Variants in ZNF16 observed in about 807,000 individuals in gnomAD.
ZNF16 encodes the protein zinc finger protein KOX9.
A neutral mutation model predicts 9.0 loss-of-function variants in ZNF16; 7 were observed. The observed-to-expected ratio is 0.78, with a 90% CI of 0.44 to 1.47. The LOEUF (loss-of-function observed/expected upper bound fraction) is 1.47. ZNF16 is among the 40% of genes most tolerant of loss of function. ZNF16 has a pLI of 0.01. For missense variants in ZNF16, 830 were observed against 854.2 expected (o/e 0.97, Z 0.35); for synonymous variants, 312 against 301.5 (o/e 1.03, Z -0.36).
intron 1 of ZNF16, among the ~76,000 whole-genome samples, chr8:144,950,023 A>C (rs1480094267): frequency 1.3e-5 from 2 of 152,228 alleles, no homozygotes; most frequent in Non-Finnish European, 2.9e-5. Flanking sequence ...GAGACAGGAG[A>C]AAAACTGCCC....
chr8:144,930,449 T>C lies in ZNF16; in HGVS notation c.*289A>G, dbSNP rs1224404500. On this transcript the variant is annotated 3_prime_UTR_variant, in exon 3 of 3. Transcript: ENST00000394909. The stretch of plus-strand genomic sequence containing the variant: ...TCATTATAATAATAAACTCTATTCA[T>C]GAATATGCAGCCTCCATAATCTTCT... 11 of 357,724 alleles carry C rather than the reference T, an allele frequency of 3.1e-5. No individual in the cohort carries two copies. Among genetic ancestry groups the C allele is most frequent in the Admixed American group, 1.2e-4 (3 of 24,250 alleles). The allele number at this position is 357,724 out of a possible 1,614,324, so 22.2% of individuals were successfully genotyped here.
At chr8:144,943,582 C>T (rs1271124800) in intron 2 of ZNF16, among the ~76,000 whole-genome samples, 2 of 151,838 alleles carry the variant, frequency 1.3e-5, no homozygotes, top group African/African-American at 2.4e-5. Context: ...TACAGTGGCA[C>T]GATTTCGGCT....
chr8:144,931,548 G>C lies in ZNF16; in HGVS notation c.1239C>G (p.Pro413=). The change falls in exon 3 of 3, where the codon CCC becomes CCG. Residue 413 remains proline, a synonymous_variant. Transcript: ENST00000394909. ...KPYECNDCGK[P]FSRVSNLIKH... ...TAATGAGGTTGGAGACCCGACTGAA[G>C]GGCTTGCCACAATCATTACACTCAT... The C allele has an allele frequency of 1.9e-6, 3 of 1,614,026 alleles. No individual in the cohort carries two copies. The highest frequency in any genetic ancestry group is 2.5e-6 in the Non-Finnish European group (3 of 1,180,012).
Position 144,932,077 on chromosome 8 carries a change from A to C in ZNF16, c.710T>G (p.Phe237Cys). ...GGTTTTCCCACAATCATCACACATA[A>C]AGGAAGCCTCCCCAGTGTGGACTAT... ...RQIVHTGEAS[F>C]MCDDCGKTFS... Residue 237 changes from phenylalanine (F) to cysteine (C), a missense_variant, in exon 3 of 3, where the codon TTT (phenylalanine) becomes TGT (cysteine). Coordinates refer to ENST00000394909, the MANE Select transcript of ZNF16 (RefSeq NM_006958.3). This position sits in a 1 kb window ranked among gnomAD's most constrained non-coding sequence, Gnocchi z 5.0. 3 of 1,613,930 alleles carry C rather than the reference A, an allele frequency of 1.9e-6. No individual in the cohort carries two copies. Among genetic ancestry groups the C allele is most frequent in the Non-Finnish European group, 2.5e-6 (3 of 1,179,964 alleles).
rs374418873 is a variant in ZNF16 at position 144,931,404 on chromosome 8, G to A, written c.1383C>T (p.His461=). 34 of 1,613,978 alleles carry A rather than the reference G, an allele frequency of 2.1e-5. No individual in the cohort carries two copies. The African/African-American group carries it at 2.4e-4, about 11-fold the overall frequency. ...HRRIHTGEKP[H]VCNVCGKAFS... is the part of the protein sequence containing the mutation. ...AGGCTTTTCCACATACATTACACAC[G>A]TGAGGCTTTTCTCCAGTGTGAATTC... is the stretch of plus-strand genomic sequence containing the variant. The change falls in exon 3 of 3, where the codon CAC becomes CAT. Residue 461 remains histidine (H), a synonymous_variant. Transcript: ENST00000394909.
rs201590406 is a variant in ZNF16, at chr8:144,930,712, G to A, written c.*26C>T. On this transcript the variant is annotated 3_prime_UTR_variant, in exon 3 of 3. Transcript: ENST00000394909. ...AGGAGTTGGAGAGGAAACTATGCTCGGTTTCACTCCTGCCAGCCCAACAGC... is the reference window on the plus strand; with the variant it reads ...AGGAGTTGGAGAGGAAACTATGCTCAGTTTCACTCCTGCCAGCCCAACAGC... 3,383 of 1,515,386 alleles carry A rather than the reference G, an allele frequency of 2.2e-3. 109 individuals are homozygous for A. In the South Asian group the frequency reaches 0.042, roughly 19 times the overall value. 93.9% of individuals were successfully genotyped at this position (1,515,386 alleles called of 1,614,324 possible).
intron 2 of ZNF16, among the ~76,000 whole-genome samples, chr8:144,941,932 C>T (rs1256190977): frequency 6.7e-6 from 1 of 149,746 alleles, no homozygotes; most frequent in Non-Finnish European, 1.5e-5. Context: ...GCTGGGATTA[C>T]AGGCGTGAGC....
chr8:144,941,151 C>T (rs923406238), intron 2 of ZNF16, among the ~76,000 whole-genome samples: 3 of 152,142 alleles, frequency 2.0e-5, no homozygotes, highest in African/African-American at 7.2e-5. Context: ...ATGTTCTATC[C>T]ATTTTTCAAA....
intron 2 of ZNF16, among the ~76,000 whole-genome samples, chr8:144,934,706 TGGA>T (rs1252917757): frequency 1.3e-5 from 2 of 152,112 alleles, no homozygotes; most frequent in Non-Finnish European, 2.9e-5. Flanking sequence ...TCTGGCTGTG[TGGA>T]GAAGTGACCC....
intron 2 of ZNF16, among the ~76,000 whole-genome samples, chr8:144,942,027 G>A (rs1833811785): frequency 6.8e-6 from 1 of 146,792 alleles, no homozygotes; most frequent in Non-Finnish European, 1.5e-5. Context: ...TCCCAGGCTG[G>A]AGTGCAGTGG....
intron 2 of ZNF16, chr8:144,944,423 G>A (rs1255043157): frequency 6.6e-6 from 1 of 150,764 alleles, no homozygotes; most frequent in East Asian, 2.0e-4. Flanking sequence ...CCACCGTGGT[G>A]CTGGGTTACA....
At chr8:144,935,457 C>T (rs563932981) in intron 2 of ZNF16, among the ~76,000 whole-genome samples, 26 of 151,568 alleles carry the variant, frequency 1.7e-4, no homozygotes, top group East Asian at 5.8e-4. Context: ...CTACCCGCCT[C>T]GGCCTCCCAG....
At chr8:144,949,313 C>T (rs906205766) in intron 1 of ZNF16, among the ~76,000 whole-genome samples, 9 of 152,254 alleles carry the variant, frequency 5.9e-5, no homozygotes, top group African/African-American at 2.2e-4. Context: ...GGCAGGACAT[C>T]TGAGGCTGAG....
intron 1 of ZNF16, among the ~76,000 whole-genome samples, chr8:144,946,556 C>T (rs796762437): frequency 0.14 from 16,521 of 116,742 alleles, 1,189 homozygotes; most frequent in East Asian, 0.22. Flanking sequence ...TGCTGTGGGG[C>T]CTGTACCCTG....
At position 144,931,471 on chromosome 8, in the gene ZNF16, CCA is replaced by C. The variant is rs1833538309; in HGVS notation, c.1314_1315del (p.Cys438TrpfsTer5). On this transcript the variant is annotated frameshift_variant, in exon 3 of 3. Transcript: ENST00000394909. LOFTEE classifies it low-confidence loss of function (END_TRUNC). ...GCTGGAGCTCTGACTAAATGCTTTC[CCA>C]CAGTCACTGCACTTATAGGGCTTCT... 2 of 1,614,168 alleles carry C rather than the reference CCA, an allele frequency of 1.2e-6. No homozygotes were observed. The highest frequency in any genetic ancestry group is 1.7e-6 in the Non-Finnish European group (2 of 1,180,010).
Position 144,931,060 on chromosome 8 carries a change from T to C in ZNF16, c.1727A>G (p.Asn576Ser). The C allele has an allele frequency of 6.2e-7, 1 of 1,614,200 alleles. No individual in the cohort carries two copies. Among genetic ancestry groups the C allele is most frequent in the Non-Finnish European group, 8.5e-7 (1 of 1,180,036 alleles). The change falls in exon 3 of 3, where the codon AAC becomes AGC. Residue 576 changes from asparagine to serine, a missense_variant. Physicochemically the swap from Asn to Ser is conservative, Grantham distance 46 (BLOSUM62 1). Coordinates refer to ENST00000394909, the MANE Select transcript of ZNF16 (RefSeq NM_006958.3). ...IHNGLKPHECNQCGKAFNRSS... is the reference protein window; with the variant it reads ...IHNGLKPHECSQCGKAFNRSS... ...TCGGTTGAAGGCTTTACCACACTGG[T>C]TACATTCATGGGGCTTCAGCCCATT...
chr8:144,931,546 A>T lies in ZNF16; in HGVS notation c.1241T>A (p.Phe414Tyr). ...PYECNDCGKP[F>Y]SRVSNLIKHH... ...CTTAATGAGGTTGGAGACCCGACTG[A>T]AGGGCTTGCCACAATCATTACACTC... Residue 414 changes from phenylalanine (F) to tyrosine (Y), a missense_variant, in exon 3 of 3, where the codon TTC (phenylalanine) becomes TAC (tyrosine). Phe to Tyr is a conservative substitution (Grantham distance 22, BLOSUM62 3). Coordinates refer to ENST00000394909, the MANE Select transcript of ZNF16 (RefSeq NM_006958.3). The T allele has an allele frequency of 1.9e-6, 3 of 1,613,984 alleles. No homozygotes were observed. Among genetic ancestry groups the T allele is most frequent in the Non-Finnish European group, 2.5e-6 (3 of 1,180,006 alleles).
chr8:144,947,263 TGGGGCCTGTACCCTGCTGTG>T (rs1833982491), intron 1 of ZNF16, among the ~76,000 whole-genome samples: 3 of 103,198 alleles, frequency 2.9e-5, no homozygotes, highest in Admixed American at 9.0e-5. Context: ...TGTCCTGCTG[TGGGGCCTGTACCCTGCTGTG>T]GGGCCTGTAC....
intron 1 of ZNF16, among the ~76,000 whole-genome samples, chr8:144,947,050 C>T (rs1355186119): frequency 6.0e-5 from 8 of 133,526 alleles, no homozygotes; most frequent in Non-Finnish European, 7.7e-5. Context: ...GCTGTTGGGC[C>T]TGTGTCCTGC....
Sources: allele counts gnomAD v4.1 joint callset (sites outside exome capture counted in the v4.1 genomes callset), GRCh38; gene constraint gnomAD v4.1.1; non-coding constraint Gnocchi (gnomAD v3.1); transcripts MANE v1.5; gene names NCBI Gene and HGNC (gene_info 2026-07-23, HGNC 2026-07-21).